Variants in MTAP observed in about 807,000 individuals in gnomAD.
MTAP encodes the protein methylthioadenosine phosphorylase, also known as S-methyl-5'-thioadenosine phosphorylase.
Under a neutral mutation model 33.6 loss-of-function variants are expected in MTAP, and 33 were observed. The observed-to-expected ratio is 0.98, with a 90% CI of 0.74 to 1.31. The LOEUF (loss-of-function observed/expected upper bound fraction) is 1.31, where lower values mean the gene tolerates loss of function less well. MTAP is among the 40% of genes most tolerant of loss of function. The probability of loss-of-function intolerance (pLI) is 0.00; values close to 1 mark genes in which losing one functional copy is unlikely to be tolerated. For missense variants in MTAP, 367 were observed against 360.0 expected, an observed-to-expected ratio of 1.02 and a Z score of -0.16; for synonymous variants, 148 against 125.7, an observed-to-expected ratio of 1.18 and a Z score of -1.19.
chr9:21,818,026 C>G lies in MTAP; in HGVS notation c.180-9C>G. ...TCACGGGTTAACAATTTCTTCTCTC[C>G]TTCCATAGGCATGGAAGGCAGCACA... On this transcript the variant is annotated splice_polypyrimidine_tract_variant and intron_variant, in intron 3 of 7. Transcript: ENST00000644715. 6.2e-7 allele frequency: 1 copy of G among 1,603,168 alleles called. No homozygotes were observed.
At chr9:21,825,428 A>G (rs1336785302) in intron 4 of MTAP, among the ~76,000 whole-genome samples, 2 of 152,218 alleles carry the variant, frequency 1.3e-5, no homozygotes, top group Non-Finnish European at 2.9e-5. Context: ...TGATATTTTC[A>G]GTTTTTTGGG....
intron 1 of MTAP, among the ~76,000 whole-genome samples, chr9:21,876,353 G>A (rs912669923): frequency 6.6e-6 from 1 of 152,078 alleles, no homozygotes; most frequent in Non-Finnish European, 1.5e-5. Flanking sequence ...CTTTTGCTGT[G>A]CAGAAGCTCT....
chr9:21,828,979 A>G (rs1490656195), intron 4 of MTAP, among the ~76,000 whole-genome samples: 3 of 152,214 alleles, frequency 2.0e-5, no homozygotes, highest in Non-Finnish European at 4.4e-5. Flanking sequence ...TGAACATCTC[A>G]TAGCAGAAGA....
chr9:21,921,945 C>T (rs932202617), intron 1 of MTAP, among the ~76,000 whole-genome samples: 2 of 152,104 alleles, frequency 1.3e-5, no homozygotes, highest in South Asian at 2.1e-4. Context: ...GCCCATCCCC[C>T]ACCAGTAATG....
At chr9:21,886,344 G>A (rs1351281366) in intron 1 of MTAP, among the ~76,000 whole-genome samples, 1 of 152,034 alleles carries the variant, frequency 6.6e-6, no homozygotes, top group Non-Finnish European at 1.5e-5. Flanking sequence ...GTGGATTCTG[G>A]ATATTAGTCT....
intron 1 of MTAP, among the ~76,000 whole-genome samples, chr9:21,880,439 T>A (rs977254439): frequency 6.6e-5 from 10 of 152,082 alleles, no homozygotes; most frequent in Non-Finnish European, 1.5e-5. Flanking sequence ...GCCATCTAGA[T>A]TGGAAAGGAA....
intron 1 of MTAP, among the ~76,000 whole-genome samples, chr9:21,905,384 C>G (rs540269891): frequency 6.6e-6 from 1 of 151,902 alleles, no homozygotes; most frequent in Non-Finnish European, 1.5e-5. Flanking sequence ...CCCTGCCCCC[C>G]TCCCTGTATC....
At chr9:21,828,650 A>G (rs1824884143) in intron 4 of MTAP, among the ~76,000 whole-genome samples, 2 of 152,158 alleles carry the variant, frequency 1.3e-5, no homozygotes, top group Non-Finnish European at 2.9e-5. Flanking sequence ...ACTCCAGCCT[A>G]GGCAACAAGA....
At chr9:21,892,875 C>T (rs190015243) in intron 1 of MTAP, 2 of 152,258 alleles carry the variant, frequency 1.3e-5, no homozygotes, top group South Asian at 2.1e-4. Context: ...ACATCTTGAC[C>T]ATAAAGCAAT....
intron 5 of MTAP, among the ~76,000 whole-genome samples, chr9:21,850,811 AG>A (rs1310854354): frequency 6.6e-6 from 1 of 152,180 alleles, no homozygotes; most frequent in African/African-American, 2.4e-5. Context: ...TGTGCACAGC[AG>A]CATTCAGTTA....
intron 4 of MTAP, 142 bp downstream of exon 4, chr9:21,818,344 T>TTTTTTTTGG (rs1824539223): frequency 1.7e-6 from 1 of 574,206 alleles, no homozygotes; most frequent in Non-Finnish European, 2.7e-6. Flanking sequence ...TTTTTTTTTT[T>TTTTTTTTGG]GGAGACGGAG....
chr9:21,825,988 T>C (rs1055016262), intron 4 of MTAP, among the ~76,000 whole-genome samples: 1 of 152,242 alleles, frequency 6.6e-6, no homozygotes, highest in Admixed American at 6.5e-5. Context: ...TTAATCAGGT[T>C]GTGTTTTTAG....
chr9:21,907,257 G>T (rs376137613), intron 1 of MTAP, among the ~76,000 whole-genome samples: 2 of 152,194 alleles, frequency 1.3e-5, no homozygotes, highest in Non-Finnish European at 2.9e-5. Flanking sequence ...TAAATAGTTT[G>T]TATATAAGGC....
intron 1 of MTAP, among the ~76,000 whole-genome samples, chr9:21,928,546 T>C (rs889341739): frequency 6.6e-6 from 1 of 152,222 alleles, no homozygotes; most frequent in East Asian, 1.9e-4. Flanking sequence ...GCTGACTTGC[T>C]CCTAAAGGAA....
In MTAP at chr9:21,837,893, TG is replaced by T. The variant is rs1261480974; in HGVS notation, c.348-14del. 1 of 1,606,164 alleles carries T rather than the reference TG, an allele frequency of 6.2e-7. No homozygotes were observed. The highest frequency in any genetic ancestry group is 8.5e-7 in the Non-Finnish European group (1 of 1,174,856). On this transcript the variant is annotated splice_polypyrimidine_tract_variant and intron_variant, in intron 4 of 7. Coordinates refer to ENST00000644715, the MANE Select transcript of MTAP (RefSeq NM_002451.4). ...AAATAAAACAAACAAAAACCTTTTT[TG>T]CTTTATTTTGTAGGACCACTATGAG...
chr9:21,851,339 C>G (rs552842829), intron 5 of MTAP, among the ~76,000 whole-genome samples: 2 of 152,306 alleles, frequency 1.3e-5, no homozygotes, highest in African/African-American at 4.8e-5. Flanking sequence ...TTTCCTCCTC[C>G]TTTTGTTAAA....
At chr9:21,933,674 A>G (rs1242970030), downstream of MTAP, 1 of 152,238 alleles carries the variant, frequency 6.6e-6, no homozygotes, top group Non-Finnish European at 1.5e-5. Context: ...ATCTGCCAGA[A>G]ACACAATTTG....
intron 4 of MTAP, among the ~76,000 whole-genome samples, chr9:21,826,765 A>G (rs1824820191): frequency 1.3e-5 from 2 of 152,096 alleles, no homozygotes; most frequent in African/African-American, 2.4e-5. Context: ...CACAAGGGAA[A>G]GTGGTGGTCT....
At chr9:21,929,950 A>C in intron 1 of MTAP, 1 of 428,650 alleles carries the variant, frequency 2.3e-6, no homozygotes, top group South Asian at 2.0e-5. Context: ...CCGAAAACCA[A>C]TTCCACCATC....
Sources: gnomAD v4.1 joint callset for allele counts (sites outside exome capture counted in the v4.1 genomes callset) on GRCh38, gnomAD v4.1.1 for gene constraint, MANE v1.5 for transcripts, NCBI Gene and HGNC (gene_info 2026-07-23, HGNC 2026-07-21) for gene names.